ARHGEF33: variants seen among roughly 807,000 people sequenced by gnomAD.
ARHGEF33 encodes the protein DH and coiled-coil domain-containing protein ENSP00000381780.
ARHGEF33 carries 72 observed loss-of-function variants against 101.9 expected under a neutral mutation model. The ratio of observed to expected loss-of-function variants is 0.71; its 90% CI spans 0.58 to 0.86. ARHGEF33 has a LOEUF of 0.86. Ranked by LOEUF, ARHGEF33 falls within the 40% of genes least tolerant of loss-of-function variation. The pLI is 0.00. For missense variants in ARHGEF33, 1,169 were observed against 1,111.3 expected, an observed-to-expected ratio of 1.05 and a Z score of -0.74; for synonymous variants, 499 against 442.5, an observed-to-expected ratio of 1.13 and a Z score of -1.60.
chr2:38,960,722 C>T (rs1667910803), intron 16 of ARHGEF33, 74 bp downstream of exon 16: 1 of 1,182,246 alleles, frequency 8.5e-7, no homozygotes, highest in Non-Finnish European at 1.1e-6. Flanking sequence ...ATCCCGAGTT[C>T]TCCTAGCGTG....
chr2:38,974,002 A>C lies in ARHGEF33; in HGVS notation c.*159A>C. ...ATATAAATACTTACATATGAAACTA[A>C]ACATACAAGACATTGAAGAGATGAA... On this transcript the variant is annotated 3_prime_UTR_variant, in exon 18 of 18. Transcript: ENST00000409978. The C allele has an allele frequency of 2.5e-6, 1 of 406,626 alleles. No homozygotes were observed. The highest frequency in any genetic ancestry group is 3.5e-6 in the Non-Finnish European group (1 of 285,632). 25.2% of individuals were successfully genotyped at this position (406,626 alleles called of 1,614,324 possible).
intron 4 of ARHGEF33, among the ~76,000 whole-genome samples, chr2:38,925,038 A>G (rs1666840995): frequency 1.3e-5 from 2 of 152,216 alleles, no homozygotes; most frequent in African/African-American, 4.8e-5. Flanking sequence ...AAAAATTTTG[A>G]AGGCTACTGT....
intron 1 of ARHGEF33, among the ~76,000 whole-genome samples, chr2:38,890,391 A>G (rs979966378): frequency 1.3e-5 from 2 of 152,146 alleles, no homozygotes; most frequent in African/African-American, 4.8e-5. Flanking sequence ...TTAGGGATGG[A>G]GGGAGATTGG....
intron 8 of ARHGEF33, among the ~76,000 whole-genome samples, chr2:38,936,655 T>C (rs918848765): frequency 6.6e-6 from 1 of 152,106 alleles, no homozygotes. Flanking sequence ...GGGATAGTTG[T>C]ACCCAAACAG....
At chr2:38,947,306 C>A (rs1667475753) in intron 10 of ARHGEF33, among the ~76,000 whole-genome samples, 1 of 152,186 alleles carries the variant, frequency 6.6e-6, no homozygotes, top group Admixed American at 6.5e-5. Flanking sequence ...CCAGCCGTGC[C>A]CCTGGCTGAA....
intron 10 of ARHGEF33, among the ~76,000 whole-genome samples, chr2:38,948,536 A>T (rs1397060369): frequency 1.3e-5 from 2 of 151,918 alleles, no homozygotes; most frequent in East Asian, 3.9e-4. Flanking sequence ...AGAAGGAAGG[A>T]AGAAAGGGAA....
chr2:38,915,856 G>C (rs2124988955), intron 2 of ARHGEF33, among the ~76,000 whole-genome samples: 2 of 152,192 alleles, frequency 1.3e-5, no homozygotes, highest in South Asian at 4.2e-4. Context: ...GGGAGACCCT[G>C]TCTCTACAAA....
chr2:38,890,968 G>GTTTTTTTTTTT (rs11380408), intron 1 of ARHGEF33, among the ~76,000 whole-genome samples: 2 of 145,004 alleles, frequency 1.4e-5, no homozygotes, highest in African/African-American at 2.5e-5. Flanking sequence ...CATACTATTG[G>GTTTTTTTTTTT]TTTTTTTTTT....
At chr2:38,963,935 G>A (rs951183965) in intron 16 of ARHGEF33, among the ~76,000 whole-genome samples, 14 of 152,106 alleles carry the variant, frequency 9.2e-5, no homozygotes, top group African/African-American at 2.9e-4. Context: ...ATTCAAGTGC[G>A]TTACAATTTA....
intron 4 of ARHGEF33, among the ~76,000 whole-genome samples, chr2:38,925,044 ACTGTAAATGC>A (rs1432213614): frequency 6.6e-6 from 1 of 152,220 alleles, no homozygotes; most frequent in Non-Finnish European, 1.5e-5. Flanking sequence ...TTTGAAGGCT[ACTGTAAATGC>A]CTTATTAGAA....
chr2:38,942,056 T>C (rs1021430317), intron 9 of ARHGEF33, among the ~76,000 whole-genome samples: 2 of 151,962 alleles, frequency 1.3e-5, no homozygotes, highest in Non-Finnish European at 2.9e-5. Flanking sequence ...CTCATCCATT[T>C]TCTTTCTTTT....
intron 2 of ARHGEF33, among the ~76,000 whole-genome samples, chr2:38,896,366 G>A (rs1012844054): frequency 2.0e-5 from 3 of 152,162 alleles, no homozygotes; most frequent in Non-Finnish European, 4.4e-5. Flanking sequence ...TTGAACTCCT[G>A]ACTTCAAGTG....
At chr2:38,942,754 C>G (rs1010129161) in intron 9 of ARHGEF33, among the ~76,000 whole-genome samples, 2 of 151,970 alleles carry the variant, frequency 1.3e-5, no homozygotes, top group African/African-American at 2.4e-5. Context: ...TATGCTTTTT[C>G]TTCTCATTCT....
intron 12 of ARHGEF33, 64 bp from the exon 13 acceptor site, chr2:38,954,309 T>G: frequency 1.0e-6 from 1 of 964,638 alleles, no homozygotes; most frequent in Non-Finnish European, 1.6e-6. Flanking sequence ...GTGGGACTGA[T>G]TCGAGGTTCT....
At chr2:38,902,761 C>T (rs1666277869) in intron 2 of ARHGEF33, among the ~76,000 whole-genome samples, 1 of 152,074 alleles carries the variant, frequency 6.6e-6, no homozygotes, top group Non-Finnish European at 1.5e-5. Flanking sequence ...TGTCCAAGTC[C>T]TCATGAGGGG....
intron 14 of ARHGEF33, among the ~76,000 whole-genome samples, chr2:38,957,277 C>T (rs1242839023): frequency 6.6e-6 from 1 of 152,148 alleles, no homozygotes; most frequent in Non-Finnish European, 1.5e-5. Flanking sequence ...TTACATAGAC[C>T]CCCTCTCATC....
chr2:38,974,477 C>G lies in ARHGEF33; in HGVS notation c.*634C>G, dbSNP rs1668233560. ...AAACACATTGATCTCCAAACTTGTTCTGTGGTTATGGAAATCAGTAAAGGG... is the reference window on the plus strand; with the variant it reads ...AAACACATTGATCTCCAAACTTGTTGTGTGGTTATGGAAATCAGTAAAGGG... On this transcript the variant is annotated 3_prime_UTR_variant, in exon 18 of 18. Coordinates refer to ENST00000409978, the MANE Select transcript of ARHGEF33 (RefSeq NM_001145451.5). 6.6e-6 allele frequency: 1 copy of G among 152,178 alleles called. No homozygotes were observed. Among genetic ancestry groups the G allele is most frequent in the Non-Finnish European group, 1.5e-5 (1 of 68,032 alleles). The allele number at this position is 152,178 out of a possible 1,614,324, so 9.4% of individuals were successfully genotyped here.
chr2:38,899,163 C>G (rs373262350), intron 2 of ARHGEF33, among the ~76,000 whole-genome samples: 1 of 151,994 alleles, frequency 6.6e-6, no homozygotes, highest in East Asian at 1.9e-4. Flanking sequence ...TGAGTGCCCA[C>G]TGTGAATAGT....
intron 2 of ARHGEF33, among the ~76,000 whole-genome samples, chr2:38,914,889 A>G (rs1279487750): frequency 6.6e-6 from 1 of 152,128 alleles, no homozygotes; most frequent in African/African-American, 2.4e-5. Flanking sequence ...GGGGAGGAAC[A>G]CTTTTACCTC....
Sources: gnomAD v4.1 joint callset for allele counts (sites outside exome capture counted in the v4.1 genomes callset) on GRCh38, gnomAD v4.1.1 for gene constraint, MANE v1.5 for transcripts, NCBI Gene and HGNC (gene_info 2026-07-23, HGNC 2026-07-21) for gene names.